Variants in CTNNA2 observed in about 807,000 individuals in gnomAD.
CTNNA2 encodes the protein catenin alpha 2.
CTNNA2 carries 42 observed loss-of-function variants against 101.0 expected under a neutral mutation model. The observed-to-expected ratio is 0.42, with a 90% CI of 0.32 to 0.54. CTNNA2 has a LOEUF of 0.54. Among genes scored for constraint, CTNNA2 ranks in the 20% least tolerant of loss-of-function variants. The pLI, the probability that CTNNA2 is intolerant of heterozygous loss-of-function variation, is 0.14. For synonymous variants in CTNNA2, 450 were observed against 456.4 expected (o/e 0.99, Z 0.18); for missense variants, 871 against 1,223.1 (o/e 0.71, Z 4.29).
At chr2:80,043,129 C>T (rs1696266721) in intron 7 of CTNNA2, among the ~76,000 whole-genome samples, 1 of 37,250 alleles carries the variant, frequency 2.7e-5, no homozygotes, top group Non-Finnish European at 5.2e-5. Flanking sequence ...CTCCTTCCTT[C>T]CTTCCTTCCT....
intron 1 of CTNNA2, among the ~76,000 whole-genome samples, chr2:79,631,677 G>A (rs1170080887): frequency 6.6e-6 from 1 of 152,154 alleles, no homozygotes; most frequent in African/African-American, 2.4e-5. Flanking sequence ...ACGAAGTTTA[G>A]AGCACCCAGT....
At chr2:80,597,713 A>C (rs1697110300) in intron 15 of CTNNA2, among the ~76,000 whole-genome samples, 1 of 152,136 alleles carries the variant, frequency 6.6e-6, no homozygotes, top group African/African-American at 2.4e-5. Context: ...CAACAAACAT[A>C]AAAAAAGCTC....
At chr2:79,493,531 G>T (rs1176391254) in intron 4 of CTNNA2, among the ~76,000 whole-genome samples, 2 of 152,064 alleles carry the variant, frequency 1.3e-5, no homozygotes, top group Non-Finnish European at 2.9e-5. Context: ...CAGAAGAATC[G>T]CTTGAACCCG....
At chr2:79,888,855 CAT>C (rs1308008644) in intron 6 of CTNNA2, among the ~76,000 whole-genome samples, 17 of 152,110 alleles carry the variant, frequency 1.1e-4, no homozygotes, top group Admixed American at 9.2e-4. Context: ...AATTGTCTAA[CAT>C]GTGATGGCAA....
intron 4 of CTNNA2, among the ~76,000 whole-genome samples, chr2:79,389,538 G>C (rs1173717580): frequency 6.6e-6 from 1 of 152,144 alleles, no homozygotes; most frequent in East Asian, 1.9e-4. Context: ...TGTTAATGGT[G>C]AATTATTGTT....
At chr2:79,200,948 A>G (rs554312525) in intron 2 of CTNNA2, among the ~76,000 whole-genome samples, 40 of 151,916 alleles carry the variant, frequency 2.6e-4, no homozygotes, top group Non-Finnish European at 5.3e-4. Context: ...GGTAAAGAAG[A>G]AAAAAAACAG....
intron 4 of CTNNA2, among the ~76,000 whole-genome samples, chr2:79,452,576 C>T (rs17017150): frequency 0.046 from 6,947 of 152,004 alleles, 267 homozygotes; most frequent in East Asian, 0.11. Context: ...TCGTTAGCTC[C>T]ACTTTCCTAT....
At chr2:80,209,663 C>G (rs2149032846) in intron 7 of CTNNA2, among the ~76,000 whole-genome samples, 1 of 152,038 alleles carries the variant, frequency 6.6e-6, no homozygotes. Context: ...ACAGCATGAT[C>G]ATCAAATTGC....
intron 6 of CTNNA2, among the ~76,000 whole-genome samples, chr2:79,897,416 C>T (rs934723245): frequency 6.6e-6 from 1 of 151,244 alleles, no homozygotes; most frequent in Non-Finnish European, 1.5e-5. Flanking sequence ...TATGGACTGA[C>T]CATGGAAATA....
At chr2:79,793,473 C>T (rs1436000330) in intron 3 of CTNNA2, among the ~76,000 whole-genome samples, 1 of 152,134 alleles carries the variant, frequency 6.6e-6, no homozygotes, top group Non-Finnish European at 1.5e-5. Context: ...GCTAAAGGAA[C>T]CTGAATCTTT....
chr2:79,340,629 A>T (rs111276841), intron 3 of CTNNA2, among the ~76,000 whole-genome samples: 6 of 151,934 alleles, frequency 3.9e-5, no homozygotes, highest in Non-Finnish European at 7.4e-5. Context: ...GTCAGGAGAT[A>T]GAGACCGTCC....
intron 3 of CTNNA2, among the ~76,000 whole-genome samples, chr2:79,333,281 A>G (rs1449998455): frequency 6.6e-6 from 1 of 152,178 alleles, no homozygotes; most frequent in Non-Finnish European, 1.5e-5. Flanking sequence ...TAGAGAAGAC[A>G]TTCTCAATTT....
At chr2:79,937,274 A>G (rs1468462463) in intron 7 of CTNNA2, among the ~76,000 whole-genome samples, 2 of 152,176 alleles carry the variant, frequency 1.3e-5, no homozygotes, top group African/African-American at 4.8e-5. Context: ...GGAAGAACTA[A>G]CAGCCACATA....
intron 17 of CTNNA2, among the ~76,000 whole-genome samples, chr2:80,609,431 A>G (rs1204127131): frequency 6.6e-6 from 1 of 151,754 alleles, no homozygotes; most frequent in African/African-American, 2.4e-5. Flanking sequence ...AGTCCCACCT[A>G]GAGCCCAGTA....
chr2:79,292,427 G>C (rs1675847175), intron 2 of CTNNA2, among the ~76,000 whole-genome samples: 1 of 152,212 alleles, frequency 6.6e-6, no homozygotes, highest in South Asian at 2.1e-4. Flanking sequence ...TCCAAGGCAA[G>C]CTGGAAGAGA....
At chr2:79,502,044 A>G (rs1414246256) in intron 4 of CTNNA2, among the ~76,000 whole-genome samples, 2 of 149,290 alleles carry the variant, frequency 1.3e-5, no homozygotes, top group East Asian at 3.9e-4. Flanking sequence ...ATGCCTGTTC[A>G]TAAGACCTAT....
intron 3 of CTNNA2, among the ~76,000 whole-genome samples, chr2:79,840,805 C>G (rs1197844110): frequency 6.7e-6 from 1 of 149,982 alleles, no homozygotes; most frequent in Non-Finnish European, 1.5e-5. Flanking sequence ...CGCTCTTTCG[C>G]CCAGGCCGGA....
At chr2:80,037,862 G>C (rs1378267785) in intron 7 of CTNNA2, among the ~76,000 whole-genome samples, 1 of 152,142 alleles carries the variant, frequency 6.6e-6, no homozygotes, top group African/African-American at 2.4e-5. Context: ...TACCCATGAA[G>C]TCAGAATCGG....
At chr2:79,893,379 G>T (rs1684441124) in intron 6 of CTNNA2, among the ~76,000 whole-genome samples, 1 of 152,082 alleles carries the variant, frequency 6.6e-6, no homozygotes, top group Non-Finnish European at 1.5e-5. Flanking sequence ...AAGAGGAGGA[G>T]GCTGCTGGTT....
Sources: allele counts gnomAD v4.1 joint callset (sites outside exome capture counted in the v4.1 genomes callset), GRCh38; gene constraint gnomAD v4.1.1; transcripts MANE v1.5; gene names NCBI Gene and HGNC (gene_info 2026-07-23, HGNC 2026-07-21).